The following CSMD1 variants were observed in gnomAD, a reference collection of about 807,000 sequenced individuals.
The protein encoded by CSMD1 is CUB and sushi domain-containing protein 1.
CSMD1 carries 213 observed loss-of-function variants against 417.5 expected under a neutral mutation model. The ratio of observed to expected loss-of-function variants is 0.51; its 90% CI spans 0.46 to 0.57. CSMD1 has a LOEUF of 0.57. Ranked by LOEUF, CSMD1 falls within the 20% of genes least tolerant of loss-of-function variation. The pLI, the probability that CSMD1 is intolerant of heterozygous loss-of-function variation, is 0.00. For missense variants in CSMD1, 6,923 were observed against 4,529.7 expected, an observed-to-expected ratio of 1.53 and a Z score of -15.17; for synonymous variants, 2,862 against 1,736.8, an observed-to-expected ratio of 1.65 and a Z score of -16.11.
intron 1 of CSMD1, among the ~76,000 whole-genome samples, chr8:4,791,057 A>AGGGAGAGAGACG (rs1797658817): frequency 6.7e-6 from 1 of 148,172 alleles, no homozygotes; most frequent in South Asian, 2.1e-4. Context: ...ACAAGCTAGT[A>AGGGAGAGAGACG]GGGAGAGAGA....
chr8:3,909,577 G>C (rs757982039), intron 5 of CSMD1, among the ~76,000 whole-genome samples: 19 of 152,078 alleles, frequency 1.2e-4, no homozygotes, highest in Non-Finnish European at 2.5e-4. Context: ...CCTTTTCGTG[G>C]CATAGAGGGA....
At chr8:4,781,189 C>T (rs559124338) in intron 1 of CSMD1, among the ~76,000 whole-genome samples, 12 of 152,234 alleles carry the variant, frequency 7.9e-5, no homozygotes, top group Non-Finnish European at 1.5e-4. Context: ...AATACATCTC[C>T]GCAAGAAAGG....
At chr8:3,563,398 T>C (rs1399181516) in intron 10 of CSMD1, among the ~76,000 whole-genome samples, 3 of 49,150 alleles carry the variant, frequency 6.1e-5, no homozygotes, top group Non-Finnish European at 1.4e-4. Flanking sequence ...AGAAAAATTG[T>C]AAAAAAAAGT....
intron 11 of CSMD1, among the ~76,000 whole-genome samples, chr8:3,473,467 A>G (rs2117208275): frequency 6.6e-6 from 1 of 152,298 alleles, no homozygotes; most frequent in East Asian, 1.9e-4. Context: ...TAATTATTTA[A>G]AACAAAAGAA....
intron 3 of CSMD1, among the ~76,000 whole-genome samples, chr8:4,412,185 T>C (rs1796686939): frequency 6.6e-6 from 1 of 152,154 alleles, no homozygotes; most frequent in Non-Finnish European, 1.5e-5. Context: ...TCTGTCAACG[T>C]GCAAACCTCA....
At chr8:4,136,736 T>C (rs777370612) in intron 3 of CSMD1, among the ~76,000 whole-genome samples, 2 of 152,212 alleles carry the variant, frequency 1.3e-5, no homozygotes, top group Non-Finnish European at 2.9e-5. Flanking sequence ...CAACGGCTCT[T>C]GAAAGGTGTG....
At chr8:3,871,124 A>T (rs1010111071) in intron 5 of CSMD1, among the ~76,000 whole-genome samples, 1 of 152,056 alleles carries the variant, frequency 6.6e-6, no homozygotes, top group Non-Finnish European at 1.5e-5. Flanking sequence ...AATATTTTCA[A>T]TTTTTTAAAA....
rs77583470 is a variant in CSMD1, at chr8:4,010,623, C to A, written c.611-12513G>T. Among the ~76,000 whole-genome samples, 1,191 of 152,218 alleles carry A rather than the reference C, an allele frequency of 7.8e-3. 54 individuals carry two copies. In the East Asian group the frequency reaches 0.13, roughly 17 times the overall value. On this transcript the variant is annotated intron_variant, in intron 4 of 69. Coordinates refer to ENST00000635120, the MANE Select transcript of CSMD1 (RefSeq NM_033225.6). ...GAGCCCAACTCTCCATACCAGGTCACTTACCCAAACACCTAAACTCATAAT... is the reference window on the plus strand; with the variant it reads ...GAGCCCAACTCTCCATACCAGGTCAATTACCCAAACACCTAAACTCATAAT...
At chr8:3,778,339 T>C (rs543616132) in intron 5 of CSMD1, among the ~76,000 whole-genome samples, 2 of 152,218 alleles carry the variant, frequency 1.3e-5, no homozygotes, top group Non-Finnish European at 2.9e-5. Flanking sequence ...TAGGGAAACC[T>C]GTGTAATCAC....
chr8:4,980,734 CT>C (rs1810844647), intron 1 of CSMD1, among the ~76,000 whole-genome samples: 1 of 152,028 alleles, frequency 6.6e-6, no homozygotes, highest in African/African-American at 2.4e-5. Flanking sequence ...AAGACCCTGT[CT>C]CTGCAAAAAG....
chr8:4,168,414 T>C (rs1048842145), intron 3 of CSMD1, among the ~76,000 whole-genome samples: 1 of 151,986 alleles, frequency 6.6e-6, no homozygotes, highest in African/African-American at 2.4e-5. Context: ...ATATATATTT[T>C]ACATTTATTT....
At chr8:2,981,887 A>G (rs1282906798) in intron 54 of CSMD1, among the ~76,000 whole-genome samples, 2 of 152,212 alleles carry the variant, frequency 1.3e-5, no homozygotes, top group Non-Finnish European at 2.9e-5. Context: ...AGGCATCAGC[A>G]TTCCTTGGTG....
intron 2 of CSMD1, among the ~76,000 whole-genome samples, chr8:4,588,511 C>A (rs139099982): frequency 6.6e-6 from 1 of 151,908 alleles, no homozygotes; most frequent in South Asian, 2.1e-4. Context: ...AAACTCTACT[C>A]TGGCCGGGCA....
intron 5 of CSMD1, among the ~76,000 whole-genome samples, chr8:3,963,101 TTG>T (rs1812437767): frequency 6.6e-6 from 1 of 152,116 alleles, no homozygotes; most frequent in Admixed American, 6.5e-5. Context: ...TGGCTAATTT[TTG>T]TGTTTTTTAG....
rs181636062 is a variant in CSMD1, at chr8:3,528,247, G to T, written c.1345-34521C>A. On this transcript the variant is annotated intron_variant, in intron 10 of 69. Transcript: ENST00000635120. ...TTTTGAATTATGTGTTGTGGAAAGG[G>T]ATAGACACATCTCAAATCACCAGGT... Among the ~76,000 whole-genome samples the T allele has an allele frequency of 1.1e-4, 17 of 152,326 alleles. No homozygotes were observed. The East Asian group carries it at 3.3e-3, about 29-fold the overall frequency.
intron 1 of CSMD1, among the ~76,000 whole-genome samples, chr8:4,650,591 G>C (rs572524034): frequency 4.0e-5 from 6 of 151,860 alleles, no homozygotes; most frequent in African/African-American, 1.5e-4. Context: ...GGAGAATTCG[G>C]ATTTGCTATA....
chr8:4,865,802 T>C (rs1381457143), intron 1 of CSMD1, among the ~76,000 whole-genome samples: 1 of 151,906 alleles, frequency 6.6e-6, no homozygotes, highest in Non-Finnish European at 1.5e-5. Context: ...CCCAGTTTTT[T>C]AAAAGGTCCT....
chr8:4,680,225 G>A (rs973630039), intron 1 of CSMD1, among the ~76,000 whole-genome samples: 4 of 152,164 alleles, frequency 2.6e-5, no homozygotes, highest in African/African-American at 9.7e-5. Flanking sequence ...TGCATGCTGT[G>A]CTTCTGGACA....
At chr8:4,489,072 A>C (rs150642094) in intron 2 of CSMD1, among the ~76,000 whole-genome samples, 2,837 of 152,196 alleles carry the variant, frequency 0.019, 50 homozygotes, top group African/African-American at 0.039. Flanking sequence ...CACCACACAC[A>C]GCTAATTTTT....
Sources: gnomAD v4.1 joint callset for allele counts (sites outside exome capture counted in the v4.1 genomes callset) on GRCh38, gnomAD v4.1.1 for gene constraint, MANE v1.5 for transcripts, NCBI Gene and HGNC (gene_info 2026-07-23, HGNC 2026-07-21) for gene names.